Variants in RORA observed in about 807,000 individuals in gnomAD.
RORA encodes nuclear receptor ROR-alpha.
RORA carries 7 observed loss-of-function variants against 69.5 expected under a neutral mutation model. That is an observed-to-expected ratio of 0.10 (90% CI 0.06 to 0.19). RORA has a LOEUF of 0.19. RORA is among the 10% of genes least tolerant of loss of function. The pLI, the probability that RORA is intolerant of heterozygous loss-of-function variation, is 1.00. For missense variants in RORA, 457 were observed against 663.0 expected, an observed-to-expected ratio of 0.69 and a Z score of 3.41; for synonymous variants, 261 against 240.8, an observed-to-expected ratio of 1.08 and a Z score of -0.78.
At chr15:61,079,832 T>C (rs1214622305) in intron 1 of RORA, among the ~76,000 whole-genome samples, 3 of 152,120 alleles carry the variant, frequency 2.0e-5, no homozygotes, top group African/African-American at 7.2e-5. Flanking sequence ...GGTGAAGAGC[T>C]CGTGTTTTGA....
intron 1 of RORA, among the ~76,000 whole-genome samples, chr15:60,987,835 T>C (rs987651885): frequency 5.3e-5 from 8 of 152,180 alleles, no homozygotes. Flanking sequence ...GGCTCAGATT[T>C]ATTGGTTGCA....
At chr15:60,561,077 T>TG (rs1445730943) in intron 2 of RORA, among the ~76,000 whole-genome samples, 5 of 124,976 alleles carry the variant, frequency 4.0e-5, no homozygotes, top group African/African-American at 1.7e-4. Context: ...TTTTGTTTTG[T>TG]TTTTGTTTTT....
At chr15:60,811,371 C>A (rs983082606) in intron 1 of RORA, among the ~76,000 whole-genome samples, 2 of 152,190 alleles carry the variant, frequency 1.3e-5, no homozygotes, top group South Asian at 4.1e-4. Flanking sequence ...TTCAGCTTTC[C>A]TGTATCTGAT....
chr15:60,513,663 A>G (rs1009406713), intron 4 of RORA, among the ~76,000 whole-genome samples: 25 of 152,164 alleles, frequency 1.6e-4, no homozygotes, highest in African/African-American at 5.1e-4. Context: ...GTATCTTCCA[A>G]TGTCAAAAGC....
At chr15:60,788,554 A>G (rs2072372395) in intron 1 of RORA, among the ~76,000 whole-genome samples, 1 of 152,170 alleles carries the variant, frequency 6.6e-6, no homozygotes, top group Non-Finnish European at 1.5e-5. Flanking sequence ...CTGCACCAAG[A>G]AGAAGCCGCC....
chr15:60,823,118 CTCT>C (rs2072914706), intron 1 of RORA, among the ~76,000 whole-genome samples: 3 of 111,934 alleles, frequency 2.7e-5, no homozygotes, highest in African/African-American at 1.0e-4. Flanking sequence ...CTTTCTCTCT[CTCT>C]CTCTCTCTCT....
chr15:61,052,660 T>G (rs968425206), intron 1 of RORA, among the ~76,000 whole-genome samples: 2 of 152,208 alleles, frequency 1.3e-5, no homozygotes, highest in Non-Finnish European at 2.9e-5. Flanking sequence ...GAGAGCGCAT[T>G]TTGAGACTGA....
At chr15:60,667,410 A>C (rs2140729028) in intron 2 of RORA, among the ~76,000 whole-genome samples, 1 of 152,222 alleles carries the variant, frequency 6.6e-6, no homozygotes, top group South Asian at 2.1e-4. Flanking sequence ...AATCGGAGGC[A>C]GATATTTCTG....
At chr15:60,924,985 A>C (rs911042450) in intron 1 of RORA, among the ~76,000 whole-genome samples, 4 of 152,122 alleles carry the variant, frequency 2.6e-5, no homozygotes, top group Admixed American at 2.6e-4. Context: ...AGGCTGAAGC[A>C]AGAGAATCCC....
chr15:60,959,199 C>A (rs1893349938), intron 1 of RORA, among the ~76,000 whole-genome samples: 1 of 152,122 alleles, frequency 6.6e-6, no homozygotes, highest in Non-Finnish European at 1.5e-5. Flanking sequence ...GCTTTTATGT[C>A]TACTGGACAG....
At chr15:60,525,422 G>A (rs1238031473) in intron 3 of RORA, among the ~76,000 whole-genome samples, 1 of 152,116 alleles carries the variant, frequency 6.6e-6, no homozygotes, top group Non-Finnish European at 1.5e-5. Context: ...TCTGATGTTT[G>A]GTCTTTTGAC....
chr15:60,925,786 C>T (rs17270626), intron 1 of RORA, among the ~76,000 whole-genome samples: 34,704 of 152,182 alleles, frequency 0.23, 4,795 homozygotes, highest in Non-Finnish European at 0.31. Flanking sequence ...ACGTTTCTGT[C>T]CATTTTTGTG....
chr15:61,155,855 T>C (rs535546213), intron 1 of RORA, among the ~76,000 whole-genome samples: 80 of 152,286 alleles, frequency 5.3e-4, no homozygotes, highest in African/African-American at 1.8e-3. Flanking sequence ...AGCTTTCTCC[T>C]TGCCACACTC....
chr15:60,542,498 A>G (rs987654333), intron 2 of RORA, among the ~76,000 whole-genome samples: 5 of 141,552 alleles, frequency 3.5e-5, no homozygotes, highest in African/African-American at 1.5e-4. Flanking sequence ...CACACGGCAC[A>G]CAGGCACATC....
At chr15:61,033,427 A>C (rs1204109003) in intron 1 of RORA, among the ~76,000 whole-genome samples, 2 of 118,638 alleles carry the variant, frequency 1.7e-5, no homozygotes, top group African/African-American at 8.2e-5. Context: ...AACAAAAACC[A>C]GTTTTGCTCT....
chr15:60,847,233 G>T (rs1403950923), intron 1 of RORA, among the ~76,000 whole-genome samples: 12 of 151,630 alleles, frequency 7.9e-5, no homozygotes. Flanking sequence ...ACTCCCTTGA[G>T]GATTAAAGGT....
intron 1 of RORA, among the ~76,000 whole-genome samples, chr15:61,156,505 T>C (rs1018615142): frequency 6.6e-6 from 1 of 151,922 alleles, no homozygotes; most frequent in Non-Finnish European, 1.5e-5. Flanking sequence ...TCCATTACCT[T>C]CCCCAGAGAC....
intron 2 of RORA, among the ~76,000 whole-genome samples, chr15:60,607,191 G>C (rs1395302050): frequency 6.6e-6 from 1 of 152,164 alleles, no homozygotes; most frequent in Admixed American, 6.6e-5. Context: ...TAGGGGCAAA[G>C]AGCCAACCAC....
At chr15:60,955,347 C>T (rs1456537607) in intron 1 of RORA, among the ~76,000 whole-genome samples, 1 of 152,164 alleles carries the variant, frequency 6.6e-6, no homozygotes, top group African/African-American at 2.4e-5. Context: ...ATGTGTTATT[C>T]AAGATTGCTG....
Sources: gnomAD v4.1 joint callset for allele counts (sites outside exome capture counted in the v4.1 genomes callset) on GRCh38, gnomAD v4.1.1 for gene constraint, MANE v1.5 for transcripts, NCBI Gene and HGNC (gene_info 2026-07-23, HGNC 2026-07-21) for gene names.